PAFAH1B2: variants seen among roughly 807,000 people sequenced by gnomAD.
PAFAH1B2 encodes platelet-activating factor acetylhydrolase IB subunit alpha2.
A neutral mutation model predicts 28.0 loss-of-function variants in PAFAH1B2; 8 were observed. The ratio of observed to expected loss-of-function variants is 0.29; its 90% CI spans 0.17 to 0.52. The LOEUF is 0.52. Ranked by LOEUF, PAFAH1B2 falls within the 20% of genes least tolerant of loss-of-function variation. The pLI is 0.97. For synonymous variants in PAFAH1B2, 104 were observed against 103.2 expected, an observed-to-expected ratio of 1.01 and a Z score of -0.05; for missense variants, 190 against 282.6, an observed-to-expected ratio of 0.67 and a Z score of 2.35.
At position 117,144,356 on chromosome 11, in the gene PAFAH1B2, G is replaced by C. The variant is rs1383472873; in HGVS notation, c.-70G>C. On this transcript the variant is annotated 5_prime_UTR_variant, in exon 1 of 6. Transcript: ENST00000527958. ...GAGCGGGACCGACGGGACCGAGCGA[G>C]CGACCGACGCGCCACCCGCCGACGC... The C allele has an allele frequency of 7.1e-6, 3 of 420,704 alleles. No homozygotes were observed. The highest frequency in any genetic ancestry group is 4.9e-5 in the South Asian group (3 of 61,488). The allele number at this position is 420,704 out of a possible 1,614,324, so 26.1% of individuals were successfully genotyped here.
Position 117,169,913 on chromosome 11 carries a change from A to T in PAFAH1B2, c.*2214A>T, listed in dbSNP as rs1245674377. Reference sequence around the variant, plus strand: ...GCATGCGCTTTTAGCTTCTCTCTTGACTGAGGATCAAATATCCCTTTGTGA... The same window carrying T: ...GCATGCGCTTTTAGCTTCTCTCTTGTCTGAGGATCAAATATCCCTTTGTGA... On this transcript the variant is annotated 3_prime_UTR_variant, in exon 6 of 6. Transcript: ENST00000527958. 8 of 1,053,578 alleles carry T rather than the reference A, an allele frequency of 7.6e-6. No homozygotes were observed. The South Asian group carries it at 2.7e-4, about 36-fold the overall frequency. The allele number at this position is 1,053,578 out of a possible 1,614,324, so 65.3% of individuals were successfully genotyped here.
chr11:117,155,232 G>A (rs1214029449), intron 2 of PAFAH1B2, among the ~76,000 whole-genome samples: 10 of 152,006 alleles, frequency 6.6e-5, no homozygotes, highest in Non-Finnish European at 1.2e-4. Flanking sequence ...TGGGATTACA[G>A]GCGTGAGCCA....
chr11:117,158,922 G>A (rs538837979), intron 2 of PAFAH1B2, among the ~76,000 whole-genome samples: 1 of 152,230 alleles, frequency 6.6e-6, no homozygotes, highest in Non-Finnish European at 1.5e-5. Flanking sequence ...TGGGATTACC[G>A]GCGTGAGCCA....
In PAFAH1B2 at chr11:117,169,876, G is replaced by A; in HGVS notation, c.*2177G>A. 9.5e-7 allele frequency: 1 copy of A among 1,054,706 alleles called. No individual in the cohort carries two copies. The allele number at this position is 1,054,706 out of a possible 1,614,324, so 65.3% of individuals were successfully genotyped here. ...AGTATGGTCCAAATAAATCCATTAGGTTACTCCTGCAGCATGCGCTTTTAG... is the reference window on the plus strand; with the variant it reads ...AGTATGGTCCAAATAAATCCATTAGATTACTCCTGCAGCATGCGCTTTTAG... On this transcript the variant is annotated 3_prime_UTR_variant, in exon 6 of 6. Transcript: ENST00000527958.
At chr11:117,151,769 C>T (rs529865478) in intron 1 of PAFAH1B2, among the ~76,000 whole-genome samples, 87 of 152,044 alleles carry the variant, frequency 5.7e-4, no homozygotes, top group Admixed American at 3.7e-3. Context: ...GGCACAGTCT[C>T]GGCTCACTGC....
At chr11:117,175,700 C>T, downstream of PAFAH1B2, 2 of 1,166,324 alleles carry the variant, frequency 1.7e-6, no homozygotes, top group African/African-American at 3.1e-5. Context: ...CTCCACCTCC[C>T]AAGATGAATT....
At chr11:117,146,770 G>T (rs1956019543) in intron 1 of PAFAH1B2, among the ~76,000 whole-genome samples, 1 of 151,068 alleles carries the variant, frequency 6.6e-6, no homozygotes, top group Non-Finnish European at 1.5e-5. Flanking sequence ...GGAGGCCAAG[G>T]CAGCAGGATC....
Position 117,163,745 on chromosome 11 carries a change from T to TC in PAFAH1B2, c.289-19dup, listed in dbSNP as rs755281764. On this transcript the variant is annotated intron_variant, in intron 4 of 5. Coordinates refer to ENST00000527958, the MANE Select transcript of PAFAH1B2 (RefSeq NM_002572.4). ...TGTTCCTGGGTATTTATCTTCTCCT[T>TC]CCCCCCTTTTTTCTTCAATTGCAGG... 3.7e-6 allele frequency: 6 copies of TC among 1,609,420 alleles called. No homozygotes were observed. The African/African-American group carries it at 4.0e-5, about 11-fold the overall frequency.
At chr11:117,172,427 T>A (rs1956693910), downstream of PAFAH1B2, among the ~76,000 whole-genome samples, 1 of 112,498 alleles carries the variant, frequency 8.9e-6, no homozygotes, top group Non-Finnish European at 1.8e-5. Context: ...TTTTTTTTTT[T>A]TTACATTCTG....
chr11:117,152,191 A>T (rs948302204), intron 1 of PAFAH1B2, among the ~76,000 whole-genome samples: 1 of 152,206 alleles, frequency 6.6e-6, no homozygotes, highest in African/African-American at 2.4e-5. Flanking sequence ...AGATTTTTTA[A>T]ATGTACTGCA....
At chr11:117,159,908 ATT>A (rs35139041) in intron 2 of PAFAH1B2, 24 bp from the exon 3 acceptor site, 553 of 1,419,976 alleles carry the variant, frequency 3.9e-4, no homozygotes, top group Non-Finnish European at 4.8e-4. Flanking sequence ...CCAGTTAATA[ATT>A]TTTTTTTTTC....
Position 117,170,580 on chromosome 11 carries a change from CAA to C in PAFAH1B2, c.*2883_*2884del, listed in dbSNP as rs1425959732. The C allele has an allele frequency of 6.5e-5, 65 of 993,698 alleles. No homozygotes were observed. The highest frequency in any genetic ancestry group is 7.7e-5 in the Non-Finnish European group (65 of 842,234). The allele number at this position is 993,698 out of a possible 1,614,324, so 61.6% of individuals were successfully genotyped here. A position where few individuals can be genotyped will look rare whatever the true frequency, so the allele number is the denominator to read the frequency against. ...TGTCAGAAACCTTAACCCAACAAAA[CAA>C]ATCTTGAGTAGCTCATGCCCGGCTC... On this transcript the variant is annotated 3_prime_UTR_variant, in exon 6 of 6. Coordinates refer to ENST00000527958, the MANE Select transcript of PAFAH1B2 (RefSeq NM_002572.4).
chr11:117,172,364 A>G (rs1394557267), downstream of PAFAH1B2, among the ~76,000 whole-genome samples: 1 of 2,728 alleles, frequency 3.7e-4, no homozygotes, highest in Non-Finnish European at 2.9e-3. Context: ...ATATATATAT[A>G]TATATATATA....
chr11:117,166,825 T>C (rs1278943279), intron 5 of PAFAH1B2, among the ~76,000 whole-genome samples: 1 of 152,178 alleles, frequency 6.6e-6, no homozygotes, highest in Admixed American at 6.5e-5. Flanking sequence ...GAGAATGGAT[T>C]GAAGGGTAGA....
At chr11:117,166,721 A>G (rs1956519608) in intron 5 of PAFAH1B2, among the ~76,000 whole-genome samples, 1 of 152,084 alleles carries the variant, frequency 6.6e-6, no homozygotes, top group African/African-American at 2.4e-5. Flanking sequence ...CATTCATTCC[A>G]CCTCTTTTTC....
chr11:117,175,595 TAGTCCAC>T (rs1477957112), downstream of PAFAH1B2: 12 of 1,168,246 alleles, frequency 1.0e-5, no homozygotes, highest in East Asian at 2.8e-4. Context: ...GAAATAGTGA[TAGTCCAC>T]AGTTGTTTGG....
In PAFAH1B2 at chr11:117,169,429, C is replaced by T. The variant is rs1956595519; in HGVS notation, c.*1730C>T. The T allele has an allele frequency of 6.7e-6, 7 of 1,052,534 alleles. No homozygotes were observed. The highest frequency in any genetic ancestry group is 4.6e-5 in the South Asian group (1 of 21,852). 65.2% of individuals were successfully genotyped at this position (1,052,534 alleles called of 1,614,324 possible). A position where few individuals can be genotyped will look rare whatever the true frequency, so the allele number is the denominator to read the frequency against. On this transcript the variant is annotated 3_prime_UTR_variant, in exon 6 of 6. Coordinates refer to ENST00000527958, the MANE Select transcript of PAFAH1B2 (RefSeq NM_002572.4). Reference sequence around the variant, plus strand: ...ATCAAAATATGCTCTGCAGTGATTCCGCTTAATGTTTAAATTCAGTAACGT... The same window carrying T: ...ATCAAAATATGCTCTGCAGTGATTCTGCTTAATGTTTAAATTCAGTAACGT...
At chr11:117,165,873 T>C (rs188927852) in intron 5 of PAFAH1B2, among the ~76,000 whole-genome samples, 3 of 151,120 alleles carry the variant, frequency 2.0e-5, no homozygotes, top group African/African-American at 7.3e-5. Flanking sequence ...GGAGTCTCGC[T>C]CTACTGCCCA....
In PAFAH1B2 at chr11:117,168,446, G is replaced by GTTTTT. The variant is rs71469127; in HGVS notation, c.*768_*772dup. On this transcript the variant is annotated 3_prime_UTR_variant, in exon 6 of 6. Coordinates refer to ENST00000527958, the MANE Select transcript of PAFAH1B2 (RefSeq NM_002572.4). ...TCCCCTTCATTCCCCCCGCCACCCCGTTTTTTTTTTTTTTTTTTTTTTTTT... is the reference window on the plus strand; with the variant it reads ...TCCCCTTCATTCCCCCCGCCACCCCGTTTTTTTTTTTTTTTTTTTTTTTTTTTTTT... The GTTTTT allele has an allele frequency of 2.7e-3, 641 of 235,160 alleles. 2 individuals carry two copies. The highest frequency in any genetic ancestry group is 5.8e-3 in the African/African-American group (65 of 11,300). The allele number at this position is 235,160 out of a possible 1,614,324, so 14.6% of individuals were successfully genotyped here.
Sources: allele counts gnomAD v4.1 joint callset (sites outside exome capture counted in the v4.1 genomes callset), GRCh38; gene constraint gnomAD v4.1.1; transcripts MANE v1.5; gene names NCBI Gene and HGNC (gene_info 2026-07-23, HGNC 2026-07-21).